CDH12: variants seen among roughly 807,000 people sequenced by gnomAD.
CDH12 encodes cadherin-12.
A neutral mutation model predicts 74.1 loss-of-function variants in CDH12; 41 were observed. The ratio of observed to expected loss-of-function variants is 0.55; its 90% CI spans 0.43 to 0.72. CDH12 has a LOEUF of 0.72. Ranked by LOEUF, CDH12 falls within the 30% of genes least tolerant of loss-of-function variation. The probability of loss-of-function intolerance (pLI) is 0.00; values close to 1 mark genes in which losing one functional copy is unlikely to be tolerated. For missense variants in CDH12, 945 were observed against 977.2 expected, an observed-to-expected ratio of 0.97 and a Z score of 0.44; for synonymous variants, 399 against 355.0, an observed-to-expected ratio of 1.12 and a Z score of -1.39.
At chr5:22,226,321 G>T (rs1187182259) in intron 3 of CDH12, among the ~76,000 whole-genome samples, 1 of 151,942 alleles carries the variant, frequency 6.6e-6, no homozygotes, top group Non-Finnish European at 1.5e-5. Context: ...GATTATCCTG[G>T]TAGTCCTAAT....
At chr5:22,119,659 T>A (rs559777843) in intron 4 of CDH12, among the ~76,000 whole-genome samples, 2 of 152,226 alleles carry the variant, frequency 1.3e-5, no homozygotes, top group African/African-American at 4.8e-5. Context: ...TGGGTTTTTG[T>A]CAAAAAACTT....
intron 3 of CDH12, among the ~76,000 whole-genome samples, chr5:22,325,146 G>A (rs530053817): frequency 6.6e-6 from 1 of 152,240 alleles, no homozygotes; most frequent in South Asian, 2.1e-4. Context: ...AAAGATCTGC[G>A]AGTATAACAT....
intron 1 of CDH12, among the ~76,000 whole-genome samples, chr5:22,524,265 G>A (rs1737175271): frequency 6.6e-6 from 1 of 152,122 alleles, no homozygotes; most frequent in Admixed American, 6.5e-5. Flanking sequence ...GGGATTATAG[G>A]TGTGAGACAC....
intron 1 of CDH12, among the ~76,000 whole-genome samples, chr5:22,733,410 G>A (rs12188887): frequency 0.18 from 26,518 of 150,402 alleles, 2,657 homozygotes; most frequent in South Asian, 0.25. Flanking sequence ...ATCTTTTATC[G>A]AAATTAAACT....
At chr5:22,181,592 T>A (rs1159189046) in intron 4 of CDH12, among the ~76,000 whole-genome samples, 1 of 152,208 alleles carries the variant, frequency 6.6e-6, no homozygotes, top group Non-Finnish European at 1.5e-5. Flanking sequence ...ATTTCGAGAT[T>A]CTTTTTAGTT....
At chr5:22,260,425 T>G (rs945799470) in intron 3 of CDH12, among the ~76,000 whole-genome samples, 1 of 152,102 alleles carries the variant, frequency 6.6e-6, no homozygotes, top group African/African-American at 2.4e-5. Flanking sequence ...GTAACTTCAG[T>G]GAACTTGGTC....
chr5:22,512,056 A>G (rs1282250833), intron 1 of CDH12, among the ~76,000 whole-genome samples: 1 of 152,048 alleles, frequency 6.6e-6, no homozygotes, highest in Non-Finnish European at 1.5e-5. Context: ...CATAGTTACA[A>G]TTAAGAATAT....
chr5:22,712,536 T>G (rs915825923), intron 1 of CDH12, among the ~76,000 whole-genome samples: 1 of 152,118 alleles, frequency 6.6e-6, no homozygotes, highest in African/African-American at 2.4e-5. Flanking sequence ...GATTCTATTT[T>G]CAGCTCTCAT....
At chr5:22,583,033 A>G (rs1740183982) in intron 1 of CDH12, among the ~76,000 whole-genome samples, 2 of 152,158 alleles carry the variant, frequency 1.3e-5, no homozygotes, top group African/African-American at 4.8e-5. Flanking sequence ...CTTTGAAGCA[A>G]GCAGAGAGGT....
At chr5:22,292,328 G>GT (rs201891077) in intron 3 of CDH12, among the ~76,000 whole-genome samples, 3 of 103,946 alleles carry the variant, frequency 2.9e-5, no homozygotes, top group African/African-American at 1.1e-4. Context: ...GCTTTTTGGG[G>GT]TTTTTGGTTT....
chr5:22,662,485 A>AT (rs903862006), intron 1 of CDH12, among the ~76,000 whole-genome samples: 2 of 152,174 alleles, frequency 1.3e-5, no homozygotes, highest in African/African-American at 4.8e-5. Context: ...ACATTAACAC[A>AT]TATGCAATGA....
intron 1 of CDH12, among the ~76,000 whole-genome samples, chr5:22,507,340 C>CA (rs1736430784): frequency 2.0e-5 from 3 of 151,814 alleles, no homozygotes; most frequent in African/African-American, 4.8e-5. Context: ...TATACCTATG[C>CA]AAAAAATGTA....
At chr5:22,102,697 T>G (rs1224262904) in intron 4 of CDH12, among the ~76,000 whole-genome samples, 1 of 151,594 alleles carries the variant, frequency 6.6e-6, no homozygotes, top group Admixed American at 6.6e-5. Flanking sequence ...AATAAATACA[T>G]AAATAAATAA....
At chr5:22,268,836 T>G (rs990015559) in intron 3 of CDH12, among the ~76,000 whole-genome samples, 2 of 152,166 alleles carry the variant, frequency 1.3e-5, no homozygotes, top group African/African-American at 4.8e-5. Context: ...TTTTAATTAT[T>G]GAGCAACTCG....
At chr5:22,790,514 G>C (rs1423192581) in intron 1 of CDH12, among the ~76,000 whole-genome samples, 1 of 151,932 alleles carries the variant, frequency 6.6e-6, no homozygotes, top group Non-Finnish European at 1.5e-5. Context: ...CATCTTATCC[G>C]TTGGCTTCAT....
At chr5:21,974,564 G>T (rs1235889417) in intron 6 of CDH12, among the ~76,000 whole-genome samples, 1 of 151,954 alleles carries the variant, frequency 6.6e-6, no homozygotes, top group African/African-American at 2.4e-5. Flanking sequence ...TTGCTGCTTG[G>T]CTTGATGGCA....
intron 4 of CDH12, among the ~76,000 whole-genome samples, chr5:22,165,569 G>A (rs1000435766): frequency 1.1e-4 from 17 of 152,014 alleles, no homozygotes; most frequent in Non-Finnish European, 2.4e-4. Flanking sequence ...CTCTTACTGT[G>A]TTTCACTTGT....
At chr5:22,800,478 G>T (rs568405364) in intron 1 of CDH12, among the ~76,000 whole-genome samples, 138 of 152,190 alleles carry the variant, frequency 9.1e-4, no homozygotes, top group Middle Eastern at 3.4e-3. Flanking sequence ...AGTCCTACAC[G>T]TGTACAGTTT....
At position 22,705,130 on chromosome 5, in the gene CDH12, T is replaced by TATATACACACACAC. The variant is rs752782183; in HGVS notation, c.-523+147927_-523+147928insGTGTGTGTGTATAT. Among the ~76,000 whole-genome samples the TATATACACACACAC allele has an allele frequency of 3.4e-4, 43 of 125,614 alleles. 1 individual carries two copies. Among genetic ancestry groups the TATATACACACACAC allele is most frequent in the African/African-American group, 9.5e-4 (31 of 32,792 alleles). The allele number at this position is 125,614 out of a possible 152,430, so 82.4% of individuals were successfully genotyped here. A position where few individuals can be genotyped will look rare whatever the true frequency, so the allele number is the denominator to read the frequency against. On this transcript the variant is annotated intron_variant, in intron 1 of 14. Transcript: ENST00000382254. Reference sequence around the variant, plus strand: ...CCCCACCCAGTCATATATATATATATACACACACACACACACACACACACA... The same window carrying TATATACACACACAC: ...CCCCACCCAGTCATATATATATATATATATACACACACACACACACACACACACACACACACACA...
Sources: allele counts gnomAD v4.1 joint callset (sites outside exome capture counted in the v4.1 genomes callset), GRCh38; gene constraint gnomAD v4.1.1; transcripts MANE v1.5; gene names NCBI Gene and HGNC (gene_info 2026-07-23, HGNC 2026-07-21).